The following ANKRD33B variants were observed in gnomAD, a reference collection of about 807,000 sequenced individuals.
ANKRD33B encodes the protein ankyrin repeat domain 33B.
ANKRD33B carries 6 observed loss-of-function variants against 21.5 expected under a neutral mutation model. The observed-to-expected ratio is 0.28, with a 90% confidence interval of 0.15 to 0.55. The LOEUF (loss-of-function observed/expected upper bound fraction) is 0.55, where lower values mean the gene tolerates loss of function less well. Ranked by LOEUF, ANKRD33B falls within the 20% of genes least tolerant of loss-of-function variation. ANKRD33B has a pLI of 0.94. For synonymous variants in ANKRD33B, 347 were observed against 342.4 expected, an observed-to-expected ratio of 1.01 and a Z score of -0.15; for missense variants, 698 against 747.2, an observed-to-expected ratio of 0.93 and a Z score of 0.77.
At chr5:10,573,467 CA>C (rs10706973) in intron 1 of ANKRD33B, among the ~76,000 whole-genome samples, 33,902 of 100,720 alleles carry the variant, frequency 0.34, 4,054 homozygotes, top group African/African-American at 0.35. Context: ...GACTCCGTCT[CA>C]AAAAAAAAAA....
chr5:10,643,968 G>A, intron 3 of ANKRD33B, among the ~76,000 whole-genome samples: 1 of 150,760 alleles, frequency 6.6e-6, no homozygotes, highest in Non-Finnish European at 1.5e-5. Context: ...CAAGAAAAGT[G>A]GGTTTTATTT....
In ANKRD33B at chr5:10,652,037, C is replaced by T. The variant is rs1277389516; in HGVS notation, c.*1924C>T. ...AAGGAGTTGGGATTGGCCATGTCTT[C>T]TTCGAGGAGGTGGAGACTGTAACTG... is the stretch of plus-strand genomic sequence containing the variant. On this transcript the variant is annotated 3_prime_UTR_variant, in exon 4 of 4. Transcript: ENST00000296657. The surrounding 1 kb of genome is among the most constrained non-coding windows in gnomAD (Gnocchi z 4.1). 1 of 152,386 alleles carries T rather than the reference C, an allele frequency of 6.6e-6. No homozygotes were observed. The highest frequency in any genetic ancestry group is 1.5e-5 in the Non-Finnish European group (1 of 68,050). The allele number at this position is 152,386 out of a possible 1,614,324, so 9.4% of individuals were successfully genotyped here. A position where few individuals can be genotyped will look rare whatever the true frequency, so the allele number is the denominator to read the frequency against.
At chr5:10,575,998 C>T (rs780087692) in intron 1 of ANKRD33B, among the ~76,000 whole-genome samples, 24 of 151,920 alleles carry the variant, frequency 1.6e-4, no homozygotes, top group Non-Finnish European at 2.2e-4. Context: ...CACACACACA[C>T]GATTGTGTGC....
chr5:10,641,779 A>G (rs1737068674), intron 3 of ANKRD33B, among the ~76,000 whole-genome samples: 1 of 149,458 alleles, frequency 6.7e-6, no homozygotes, highest in Non-Finnish European at 1.5e-5. Flanking sequence ...AGAGGCTTCA[A>G]AGATGAAAAC....
chr5:10,578,774 G>C (rs966050709), intron 1 of ANKRD33B, among the ~76,000 whole-genome samples: 1 of 152,148 alleles, frequency 6.6e-6, no homozygotes, highest in African/African-American at 2.4e-5. Flanking sequence ...CAAGTATATT[G>C]AGTTAATTTT....
chr5:10,569,528 G>A (rs1451009069), intron 1 of ANKRD33B, among the ~76,000 whole-genome samples: 2 of 152,088 alleles, frequency 1.3e-5, no homozygotes, highest in Non-Finnish European at 2.9e-5. Context: ...CCCAGGAGGT[G>A]GAGGTTGCAG....
chr5:10,579,657 G>A (rs1735401824), intron 1 of ANKRD33B, among the ~76,000 whole-genome samples: 1 of 151,672 alleles, frequency 6.6e-6, no homozygotes, highest in South Asian at 2.1e-4. Flanking sequence ...AATTAAATGA[G>A]TAGTATTAAA....
At chr5:10,606,812 T>A (rs1022124073) in intron 1 of ANKRD33B, among the ~76,000 whole-genome samples, 1 of 150,162 alleles carries the variant, frequency 6.7e-6, no homozygotes, top group Non-Finnish European at 1.5e-5. Context: ...CGCTGCAAGC[T>A]CCGCCTCCCA....
At chr5:10,631,812 A>G (rs1736718498) in intron 2 of ANKRD33B, among the ~76,000 whole-genome samples, 1 of 152,228 alleles carries the variant, frequency 6.6e-6, no homozygotes, top group Non-Finnish European at 1.5e-5. Context: ...AGCAGAGGAC[A>G]TGAAAACCCT....
At chr5:10,588,432 T>A (rs1302118269) in intron 1 of ANKRD33B, among the ~76,000 whole-genome samples, 5 of 152,222 alleles carry the variant, frequency 3.3e-5, no homozygotes, top group Non-Finnish European at 7.3e-5. Context: ...AACACAGAGA[T>A]TTGCACATCT....
chr5:10,572,200 A>G (rs1350895705), intron 1 of ANKRD33B, among the ~76,000 whole-genome samples: 1 of 151,868 alleles, frequency 6.6e-6, no homozygotes, highest in Non-Finnish European at 1.5e-5. Context: ...GGGCATCAGT[A>G]TTTTCTAAAA....
intron 2 of ANKRD33B, among the ~76,000 whole-genome samples, chr5:10,625,458 G>T (rs1365744389): frequency 2.0e-5 from 3 of 152,308 alleles, no homozygotes; most frequent in East Asian, 3.9e-4. Context: ...TGTTGAGACT[G>T]TGTTTTTAGT....
intron 1 of ANKRD33B, among the ~76,000 whole-genome samples, chr5:10,573,285 G>C (rs1287620361): frequency 6.6e-6 from 1 of 151,884 alleles, no homozygotes; most frequent in Non-Finnish European, 1.5e-5. Context: ...TGGCTAACAC[G>C]GTGAAACCCC....
chr5:10,647,278 G>T (rs1348470399), intron 3 of ANKRD33B, among the ~76,000 whole-genome samples: 1 of 151,972 alleles, frequency 6.6e-6, no homozygotes, highest in Admixed American at 6.6e-5. Flanking sequence ...CTAATTTTTT[G>T]TGTGTTTTTA....
At chr5:10,595,609 A>G (rs1212884728) in intron 1 of ANKRD33B, among the ~76,000 whole-genome samples, 2 of 152,216 alleles carry the variant, frequency 1.3e-5, no homozygotes, top group Non-Finnish European at 2.9e-5. Context: ...TACTACAGGC[A>G]GTTACCTGAA....
intron 1 of ANKRD33B, among the ~76,000 whole-genome samples, chr5:10,603,804 T>TA (rs1419538367): frequency 1.3e-5 from 2 of 152,144 alleles, no homozygotes; most frequent in Admixed American, 1.3e-4. Flanking sequence ...ATTCTTTATA[T>TA]ACCTCAATTT....
intron 1 of ANKRD33B, among the ~76,000 whole-genome samples, chr5:10,570,815 T>G (rs571506230): frequency 6.6e-6 from 1 of 151,830 alleles, no homozygotes; most frequent in Admixed American, 6.6e-5. Flanking sequence ...TGCCTCAGCC[T>G]CCCAAGGTGC....
At chr5:10,584,821 A>G (rs1289788423) in intron 1 of ANKRD33B, among the ~76,000 whole-genome samples, 4 of 152,216 alleles carry the variant, frequency 2.6e-5, no homozygotes, top group South Asian at 2.1e-4. Flanking sequence ...GCAAGTGCTC[A>G]GGAGATGGGA....
At chr5:10,638,290 A>G in intron 3 of ANKRD33B, 122 bp downstream of exon 3, 3 of 1,269,976 alleles carry the variant, frequency 2.4e-6, no homozygotes, top group Non-Finnish European at 3.2e-6. Context: ...GCAATAAATA[A>G]TAGTTTCTTC....
Sources: allele counts gnomAD v4.1 joint callset (sites outside exome capture counted in the v4.1 genomes callset), GRCh38; gene constraint gnomAD v4.1.1; non-coding constraint Gnocchi (gnomAD v3.1); transcripts MANE v1.5; gene names NCBI Gene and HGNC (gene_info 2026-07-23, HGNC 2026-07-21).